The following SBNO2 variants were observed in gnomAD, a reference collection of about 807,000 sequenced individuals.
The protein encoded by SBNO2 is protein strawberry notch homolog 2.
Under a neutral mutation model 146.3 loss-of-function variants are expected in SBNO2, and 89 were observed. That is an observed-to-expected ratio of 0.61 (90% CI 0.51 to 0.73). The LOEUF (loss-of-function observed/expected upper bound fraction) is 0.73, where lower values mean the gene tolerates loss of function less well. Among genes scored for constraint, SBNO2 ranks in the 30% least tolerant of loss-of-function variants. The pLI, the probability that SBNO2 is intolerant of heterozygous loss-of-function variation, is 0.00. For synonymous variants in SBNO2, 1,147 were observed against 892.6 expected (o/e 1.29, Z -5.08); for missense variants, 2,092 against 2,003.7 (o/e 1.04, Z -0.84).
chr19:1,147,191 C>G, intron 4 of SBNO2, 118 bp downstream of exon 4: 1 of 678,198 alleles, frequency 1.5e-6, no homozygotes, highest in South Asian at 1.9e-5. Flanking sequence ...GCCGAGGGGC[C>G]AAGCCGAGGT....
Position 1,172,775 on chromosome 19 carries a change from A to ACC in SBNO2, c.-127+1395_-127+1396dup, listed in dbSNP as rs200691444. 6.4e-3 allele frequency among the ~76,000 whole-genome samples: 253 copies of ACC among 39,362 alleles called. 6 individuals carry two copies. Among genetic ancestry groups the ACC allele is most frequent in the East Asian group, 0.019 (13 of 668 alleles). The allele number at this position is 39,362 out of a possible 152,430, so 25.8% of individuals were successfully genotyped here. A position where few individuals can be genotyped will look rare whatever the true frequency, so the allele number is the denominator to read the frequency against. On this transcript the variant is annotated intron_variant, in intron 1 of 31. Coordinates refer to ENST00000361757, the MANE Select transcript of SBNO2 (RefSeq NM_014963.3). ...GCCCCTCTGTAAAACACTCACTGCA[A>ACC]CCGCCCCCCCCGCCCCGGCAAACTG...
chr19:1,122,637 CT>C lies in SBNO2; in HGVS notation c.914+20del, dbSNP rs745558533. 256 of 1,527,968 alleles carry C rather than the reference CT, an allele frequency of 1.7e-4. No homozygotes were observed. In the East Asian group the frequency reaches 5.7e-3, roughly 34 times the overall value. 94.7% of individuals were successfully genotyped at this position (1,527,968 alleles called of 1,614,324 possible). A position where few individuals can be genotyped will look rare whatever the true frequency, so the allele number is the denominator to read the frequency against. ...CGCCCCCCACCCCCGCTCCCGCCCCCTGCCCCAGGCAGGGCCTCACCACAAT... is the reference window on the plus strand; with the variant it reads ...CGCCCCCCACCCCCGCTCCCGCCCCCGCCCCAGGCAGGGCCTCACCACAAT... On this transcript the variant is annotated intron_variant, in intron 9 of 31. Coordinates refer to ENST00000361757, the MANE Select transcript of SBNO2 (RefSeq NM_014963.3).
At chr19:1,111,185 G>C (rs2079754879) in intron 24 of SBNO2, 92 bp from the exon 25 acceptor site, 1 of 1,383,226 alleles carries the variant, frequency 7.2e-7, no homozygotes, top group Non-Finnish European at 9.7e-7. Context: ...GCAGCTCCCT[G>C]GGGGGCTGGG....
chr19:1,164,814 G>GGAGGAGGAGGAGGAA (rs2080393013), intron 1 of SBNO2, among the ~76,000 whole-genome samples: 2 of 60 alleles, frequency 0.033, no homozygotes, highest in African/African-American at 0.083. Context: ...AGGAGGAGGA[G>GGAGGAGGAGGAGGAA]CAGGAGGAGG....
chr19:1,108,067 A>G lies in SBNO2; in HGVS notation c.*153T>C. Reference sequence around the variant, plus strand: ...TGAGTGGGCCCCGCCAGGGCTGACCAGGTGGGGGCCCGGGTCGGGCGCTGA... The same window carrying G: ...TGAGTGGGCCCCGCCAGGGCTGACCGGGTGGGGGCCCGGGTCGGGCGCTGA... On this transcript the variant is annotated 3_prime_UTR_variant, in exon 32 of 32. Transcript: ENST00000361757. The G allele has an allele frequency of 8.2e-6, 7 of 849,962 alleles. No homozygotes were observed. Among genetic ancestry groups the G allele is most frequent in the Non-Finnish European group, 1.1e-5 (7 of 613,102 alleles). The allele number at this position is 849,962 out of a possible 1,614,324, so 52.7% of individuals were successfully genotyped here.
Position 1,108,978 on chromosome 19 carries a change from G to A in SBNO2, c.3426-9C>T, listed in dbSNP as rs890089745. 6.0e-6 allele frequency: 9 copies of A among 1,512,186 alleles called. No individual in the cohort carries two copies. The highest frequency in any genetic ancestry group is 2.4e-5 in the East Asian group (1 of 40,932). The allele number at this position is 1,512,186 out of a possible 1,614,324, so 93.7% of individuals were successfully genotyped here. A position where few individuals can be genotyped will look rare whatever the true frequency, so the allele number is the denominator to read the frequency against. ...GCCGGCAGTGCCGGTTCCTGCGGAC[G>A]AGACGGGTCGTCTCGGCTCAGGCGG... On this transcript the variant is annotated splice_polypyrimidine_tract_variant and intron_variant, in intron 30 of 31. Transcript: ENST00000361757.
At chr19:1,155,508 C>T (rs942246509) in intron 1 of SBNO2, among the ~76,000 whole-genome samples, 1 of 152,218 alleles carries the variant, frequency 6.6e-6, no homozygotes, top group Non-Finnish European at 1.5e-5. Context: ...CAGCTGCCCA[C>T]GGGGACCTGC....
chr19:1,110,800 G>A lies in SBNO2; in HGVS notation c.2973C>T (p.Phe991=), dbSNP rs376217069. ...GCTTGTCCATCTCGATGAGGTGGTC[G>A]AAGGTGTCTGAGAAGTACTGGAACA... is the stretch of plus-strand genomic sequence containing the variant. The part of the protein sequence containing the change: ...NALFQYFSDT[F]DHLIEMDKRE... The change falls in exon 26 of 32, where the codon TTC becomes TTT. Residue 991 remains phenylalanine, a synonymous_variant. Transcript: ENST00000361757. This position sits in a 1 kb window ranked among gnomAD's most constrained non-coding sequence, Gnocchi z 4.9. The A allele has an allele frequency of 1.1e-4, 173 of 1,613,508 alleles. No individual in the cohort carries two copies. Among genetic ancestry groups the A allele is most frequent in the Non-Finnish European group, 1.3e-4 (154 of 1,179,732 alleles).
rs1004478251 is a variant in SBNO2 at position 1,109,877 on chromosome 19, C to T, written c.3029-100G>A. ...CGGGGCGCACCCTAGAGACGACCCC[C>T]CGAGAGCACAGGAGAGGGTGTCCTG... On this transcript the variant is annotated intron_variant, in intron 26 of 31. Transcript: ENST00000361757. The surrounding 1 kb of genome is among the most constrained non-coding windows in gnomAD (Gnocchi z 4.2). 1.2e-6 allele frequency: 1 copy of T among 832,822 alleles called. No homozygotes were observed. 51.6% of individuals were successfully genotyped at this position (832,822 alleles called of 1,614,324 possible).
chr19:1,167,760 C>CTT (rs2080439722), intron 1 of SBNO2, among the ~76,000 whole-genome samples: 1 of 152,206 alleles, frequency 6.6e-6, no homozygotes, highest in Non-Finnish European at 1.5e-5. Flanking sequence ...TGACCCAGAC[C>CTT]TGCAGTACAC....
chr19:1,128,036 G>A (rs1462829868), intron 4 of SBNO2: 2 of 541,348 alleles, frequency 3.7e-6, no homozygotes, highest in Non-Finnish European at 6.7e-6. Context: ...GCCTGGTTTT[G>A]AACTCCTGAC....
chr19:1,140,593 G>C lies in SBNO2; in HGVS notation c.279+6716C>G, dbSNP rs780859157. On this transcript the variant is annotated intron_variant, in intron 4 of 31. Transcript: ENST00000361757. This position sits in a 1 kb window ranked among gnomAD's most constrained non-coding sequence, Gnocchi z 4.4. ...GCAGCGGCATCCTGGCGCAGCGTGA[G>C]CCCCAGGGGTGGGGGTGGGGGTGGC... is the stretch of plus-strand genomic sequence containing the variant. 5.0e-4 allele frequency among the ~76,000 whole-genome samples: 76 copies of C among 152,138 alleles called. No homozygotes were observed. Among genetic ancestry groups the C allele is most frequent in the Non-Finnish European group, 9.1e-4 (62 of 67,932 alleles).
intron 2 of SBNO2, among the ~76,000 whole-genome samples, chr19:1,153,668 G>C (rs1482622953): frequency 6.6e-6 from 1 of 152,070 alleles, no homozygotes; most frequent in African/African-American, 2.4e-5. Context: ...CTCCCGAGTA[G>C]CTGGGATTAC....
intron 6 of SBNO2, 77 bp downstream of exon 6, chr19:1,123,865 G>C (rs967484100): frequency 2.1e-6 from 3 of 1,432,578 alleles, no homozygotes; most frequent in Non-Finnish European, 2.9e-6. Context: ...CCCCACAATG[G>C]AGATGCCTGT....
Position 1,112,639 on chromosome 19 carries a change from G to T in SBNO2, c.2380-102C>A, listed in dbSNP as rs1025628669. On this transcript the variant is annotated intron_variant, in intron 20 of 31. Transcript: ENST00000361757. The surrounding 1 kb of genome is among the most constrained non-coding windows in gnomAD (Gnocchi z 5.9). ...GGCCCCCGCTCCAGGTCACCAGGACGTCCCGGGGCAGCGAGAGGCCTGCGG... is the reference window on the plus strand; with the variant it reads ...GGCCCCCGCTCCAGGTCACCAGGACTTCCCGGGGCAGCGAGAGGCCTGCGG... 3.3e-5 allele frequency: 48 copies of T among 1,457,964 alleles called. No homozygotes were observed. The highest frequency in any genetic ancestry group is 4.3e-5 in the Non-Finnish European group (47 of 1,105,774). The allele number at this position is 1,457,964 out of a possible 1,614,324, so 90.3% of individuals were successfully genotyped here. A position where few individuals can be genotyped will look rare whatever the true frequency, so the allele number is the denominator to read the frequency against.
At chr19:1,169,702 C>G (rs1332499953) in intron 1 of SBNO2, among the ~76,000 whole-genome samples, 1 of 152,172 alleles carries the variant, frequency 6.6e-6, no homozygotes, top group Admixed American at 6.5e-5. Flanking sequence ...CCGGGGACAC[C>G]GTGCTCAACC....
chr19:1,123,398 G>A (rs1029569397), intron 7 of SBNO2, 136 bp downstream of exon 7: 2 of 738,840 alleles, frequency 2.7e-6, no homozygotes, highest in Non-Finnish European at 2.3e-6. Context: ...TGTAGAACCT[G>A]TCCCCGGGCT....
chr19:1,122,189 T>G lies in SBNO2; in HGVS notation c.1099A>C (p.Thr367Pro). Residue 367 changes from threonine (T) to proline (P), a missense_variant, in exon 11 of 32, where the codon ACT (threonine) becomes CCT (proline). By Grantham distance (38) the Thr-to-Pro change is conservative. Transcript: ENST00000361757. ...GESQAGGQHRTRLRQILDWCG... is the reference protein window; with the variant it reads ...GESQAGGQHRPRLRQILDWCG... ...CAGTCCAGGATCTGCCGGAGGCGAG[T>G]GCGGTGCTGGCCGCCGGCCTGGCTC... 6.5e-7 allele frequency: 1 copy of G among 1,545,172 alleles called. No homozygotes were observed. The highest frequency in any genetic ancestry group is 8.7e-7 in the Non-Finnish European group (1 of 1,144,790).
intron 1 of SBNO2, among the ~76,000 whole-genome samples, chr19:1,155,637 T>G (rs781258954): frequency 6.6e-6 from 1 of 152,196 alleles, no homozygotes; most frequent in Non-Finnish European, 1.5e-5. Flanking sequence ...CTCCACCTTC[T>G]GAGTTGAATA....
Sources: allele counts gnomAD v4.1 joint callset (sites outside exome capture counted in the v4.1 genomes callset), GRCh38; gene constraint gnomAD v4.1.1; non-coding constraint Gnocchi (gnomAD v3.1); transcripts MANE v1.5; gene names NCBI Gene and HGNC (gene_info 2026-07-23, HGNC 2026-07-21).